The following ENOX2 variants were observed in gnomAD, a reference collection of about 807,000 sequenced individuals.
The protein encoded by ENOX2 is ecto-NOX disulfide-thiol exchanger 2, also known as APK1 antigen.
ENOX2 carries 36 observed loss-of-function variants against 45.0 expected under a neutral mutation model. The ratio of observed to expected loss-of-function variants is 0.80; its 90% confidence interval spans 0.61 to 1.06. The LOEUF (loss-of-function observed/expected upper bound fraction) is 1.06. ENOX2 is among the 50% of genes least tolerant of loss of function. The pLI, the probability that ENOX2 is intolerant of heterozygous loss-of-function variation, is 0.00. For missense variants in ENOX2, 423 were observed against 462.5 expected, an observed-to-expected ratio of 0.91 and a Z score of 0.78; for synonymous variants, 174 against 152.3, an observed-to-expected ratio of 1.14 and a Z score of -1.05.
chrX:130,903,057 C>T lies in ENOX2; in HGVS notation c.-239G>A, dbSNP rs1410348715. 1 of 112,183 alleles carries T rather than the reference C, an allele frequency of 8.9e-6. No individual in the cohort carries two copies. Among genetic ancestry groups the T allele is most frequent in the Non-Finnish European group, 1.9e-5 (1 of 53,112 alleles). 9.2% of individuals were successfully genotyped at this position (112,183 alleles called of 1,213,427 possible). ...CTTTCTGCCTCTCTGACCTCCAGCT[C>T]CCCGGCTACCGAAGCGCTAGTCCTT... On this transcript the variant is annotated 5_prime_UTR_variant, in exon 1 of 15. Transcript: ENST00000394363.
chrX:130,831,260 A>C (rs1192251508), intron 2 of ENOX2, among the ~76,000 whole-genome samples: 1 of 111,734 alleles, frequency 8.9e-6, no homozygotes, highest in African/African-American at 3.3e-5. Flanking sequence ...ATCTCCCAAT[A>C]CTGTTAACAT....
chrX:130,848,415 A>AT (rs993348305), intron 2 of ENOX2, among the ~76,000 whole-genome samples: 3 of 112,082 alleles, frequency 2.7e-5, no homozygotes, highest in East Asian at 2.8e-4. Context: ...TGGAGGTCCT[A>AT]TTTTTTTACC....
intron 10 of ENOX2, among the ~76,000 whole-genome samples, chrX:130,649,659 C>A (rs2036348587): frequency 8.9e-6 from 1 of 112,031 alleles, no homozygotes; most frequent in African/African-American, 3.2e-5. Flanking sequence ...TTTGGCATGA[C>A]ATATTCATTT....
At position 130,630,270 on chromosome X, in the gene ENOX2, G is replaced by C. The variant is rs145904041; in HGVS notation, c.1528+1198C>G. 3.6e-3 allele frequency among the ~76,000 whole-genome samples: 402 copies of C among 111,247 alleles called. 3 individuals are homozygous for C. The highest frequency in any genetic ancestry group is 6.1e-3 in the Non-Finnish European group (324 of 53,023). On this transcript the variant is annotated intron_variant, in intron 13 of 14. Transcript: ENST00000394363. ...ATAAAAAAATTAACATGTGGTCTTTGTCCGTGGTCCCCGGGGCGCACAGCT... is the reference window on the plus strand; with the variant it reads ...ATAAAAAAATTAACATGTGGTCTTTCTCCGTGGTCCCCGGGGCGCACAGCT...
At chrX:130,899,273 A>G (rs1043872956) in intron 2 of ENOX2, among the ~76,000 whole-genome samples, 1 of 112,281 alleles carries the variant, frequency 8.9e-6, no homozygotes, top group African/African-American at 3.2e-5. Flanking sequence ...TTTTCATAGC[A>G]TTTGGCACTC....
In ENOX2 at chrX:130,753,514, G is replaced by A. The variant is rs138759960; in HGVS notation, c.-39+30033C>T. On this transcript the variant is annotated intron_variant, in intron 3 of 14. Transcript: ENST00000394363. Reference sequence around the variant, plus strand: ...CTTCTTGGTCTATCCTTCCCTGTCTGTCTATCCCTGCCTTTATCCACCTCT... The same window carrying A: ...CTTCTTGGTCTATCCTTCCCTGTCTATCTATCCCTGCCTTTATCCACCTCT... Among the ~76,000 whole-genome samples the A allele has an allele frequency of 3.6e-4, 40 of 110,824 alleles. 1 individual carries two copies. In the East Asian group the frequency reaches 8.2e-3, roughly 23 times the overall value.
chrX:130,853,463 C>CAAAAAA (rs754949787), intron 2 of ENOX2, among the ~76,000 whole-genome samples: 2 of 27,981 alleles, frequency 7.1e-5, no homozygotes, highest in African/African-American at 1.3e-4. Context: ...GACTCCGTCT[C>CAAAAAA]AAAAAAAAAA....
intron 12 of ENOX2, among the ~76,000 whole-genome samples, chrX:130,632,374 G>C (rs1354754864): frequency 7.3e-5 from 4 of 54,472 alleles, no homozygotes; most frequent in African/African-American, 2.2e-4. Context: ...CGGGGGGGGG[G>C]GGTGGTCCTA....
At chrX:130,720,777 T>G (rs1292952654) in intron 3 of ENOX2, among the ~76,000 whole-genome samples, 5 of 111,732 alleles carry the variant, frequency 4.5e-5, no homozygotes, top group Non-Finnish European at 9.4e-5. Context: ...AGACTGAAGC[T>G]CTTTCCTCAG....
chrX:130,719,934 A>C (rs2148268908), intron 3 of ENOX2, among the ~76,000 whole-genome samples: 1 of 112,399 alleles, frequency 8.9e-6, no homozygotes, highest in East Asian at 2.8e-4. Context: ...TAGGATAGGC[A>C]AAAGGGTAAA....
At position 130,667,423 on chromosome X, in the gene ENOX2, T is replaced by C. The variant is rs1016810394; in HGVS notation, c.907+107A>G. The C allele has an allele frequency of 1.5e-5, 10 of 683,628 alleles. No individual in the cohort carries two copies. In the African/African-American group the frequency reaches 1.9e-4, roughly 13 times the overall value. The allele number at this position is 683,628 out of a possible 1,213,427, so 56.3% of individuals were successfully genotyped here. A position where few individuals can be genotyped will look rare whatever the true frequency, so the allele number is the denominator to read the frequency against. On this transcript the variant is annotated intron_variant, in intron 8 of 14. Coordinates refer to ENST00000394363, the MANE Select transcript of ENOX2 (RefSeq NM_006375.4). ...GCACAAGGCAGTGAAAAAGGGAGCCTTGAGCCTTAACACAGGATGGCTCTG... is the reference window on the plus strand; with the variant it reads ...GCACAAGGCAGTGAAAAAGGGAGCCCTGAGCCTTAACACAGGATGGCTCTG...
At chrX:130,835,068 G>A (rs1413309613) in intron 2 of ENOX2, among the ~76,000 whole-genome samples, 1 of 110,885 alleles carries the variant, frequency 9.0e-6, no homozygotes, top group Non-Finnish European at 1.9e-5. Context: ...AACCAAATCA[G>A]GCTGCAATTA....
At chrX:130,886,286 C>T (rs982352535) in intron 2 of ENOX2, among the ~76,000 whole-genome samples, 6 of 112,584 alleles carry the variant, frequency 5.3e-5, no homozygotes, top group African/African-American at 1.9e-4. Flanking sequence ...AGCTGTTAAG[C>T]GTAGGAGCAT....
intron 4 of ENOX2, among the ~76,000 whole-genome samples, chrX:130,695,753 A>G (rs745599077): frequency 2.7e-5 from 3 of 112,301 alleles, no homozygotes; most frequent in Non-Finnish European, 5.6e-5. Flanking sequence ...TGGAAAATTA[A>G]GAATTATGCC....
At chrX:130,892,726 C>T (rs1313503843) in intron 2 of ENOX2, among the ~76,000 whole-genome samples, 1 of 112,753 alleles carries the variant, frequency 8.9e-6, no homozygotes, top group South Asian at 3.6e-4. Context: ...GATACACAGA[C>T]TAGAGTTTTG....
chrX:130,671,398 T>C (rs2036987609), intron 6 of ENOX2, among the ~76,000 whole-genome samples: 1 of 111,546 alleles, frequency 9.0e-6, no homozygotes, highest in Non-Finnish European at 1.9e-5. Context: ...AGTTTCCTAA[T>C]AAGAGAGTTT....
chrX:130,761,182 T>C (rs1036393049), intron 3 of ENOX2, among the ~76,000 whole-genome samples: 3 of 111,830 alleles, frequency 2.7e-5, no homozygotes, highest in Non-Finnish European at 3.8e-5. Context: ...ATTAGTCTCA[T>C]AGAATCAATT....
At chrX:130,674,609 AAT>A (rs1385365705) in intron 6 of ENOX2, among the ~76,000 whole-genome samples, 2 of 111,983 alleles carry the variant, frequency 1.8e-5, no homozygotes, top group Non-Finnish European at 3.8e-5. Flanking sequence ...ACCAGCAATA[AAT>A]ATCTTTTTTT....
chrX:130,771,246 A>C (rs1413518490), intron 3 of ENOX2, among the ~76,000 whole-genome samples: 1 of 111,817 alleles, frequency 8.9e-6, no homozygotes, highest in East Asian at 2.8e-4. Flanking sequence ...GTGTACCTTT[A>C]TGTGCTTCAA....
Sources: gnomAD v4.1 joint callset for allele counts (sites outside exome capture counted in the v4.1 genomes callset) on GRCh38, gnomAD v4.1.1 for gene constraint, MANE v1.5 for transcripts, NCBI Gene and HGNC (gene_info 2026-07-23, HGNC 2026-07-21) for gene names.